Variants in PRRC2B observed in about 807,000 individuals in gnomAD.
The protein encoded by PRRC2B is protein PRRC2B.
Under a neutral mutation model 242.3 loss-of-function variants are expected in PRRC2B, and 68 were observed. The observed-to-expected ratio is 0.28, with a 90% CI of 0.23 to 0.34. The LOEUF (loss-of-function observed/expected upper bound fraction) is 0.34, where lower values mean the gene tolerates loss of function less well. Ranked by LOEUF, PRRC2B falls within the 10% of genes least tolerant of loss-of-function variation. The pLI is 1.00. For synonymous variants in PRRC2B, 1,228 were observed against 1,173.6 expected, an observed-to-expected ratio of 1.05 and a Z score of -0.95; for missense variants, 2,835 against 2,954.8, an observed-to-expected ratio of 0.96 and a Z score of 0.94.
intron 1 of PRRC2B, among the ~76,000 whole-genome samples, chr9:131,424,241 T>C (rs1305932908): frequency 1.3e-5 from 2 of 151,014 alleles, no homozygotes; most frequent in Non-Finnish European, 1.5e-5. Context: ...GGCGCCTGGG[T>C]AGTAAACCAT....
intron 28 of PRRC2B, 103 bp downstream of exon 28, chr9:131,488,199 G>T: frequency 6.9e-7 from 1 of 1,453,290 alleles, no homozygotes; most frequent in Non-Finnish European, 9.1e-7. Context: ...CTATCGTGCT[G>T]TTGGTTGGTA....
intron 9 of PRRC2B, among the ~76,000 whole-genome samples, chr9:131,454,827 G>T (rs1402171993): frequency 2.0e-5 from 3 of 151,978 alleles, no homozygotes; most frequent in Non-Finnish European, 4.4e-5. Flanking sequence ...GTAGAGACGG[G>T]GTTTCACCAT....
intron 10 of PRRC2B, among the ~76,000 whole-genome samples, chr9:131,458,117 C>A (rs776803629): frequency 6.6e-6 from 1 of 152,134 alleles, no homozygotes; most frequent in East Asian, 1.9e-4. Flanking sequence ...AACACCTCCT[C>A]CTTTTCCATG....
rs148112779 is a variant in PRRC2B at position 131,420,453 on chromosome 9, T to TTTTCTTTCTTTCTTTCTTTCTTTC, written c.-51-9621_-51-9598dup. 4.3e-3 allele frequency among the ~76,000 whole-genome samples: 265 copies of TTTTCTTTCTTTCTTTCTTTCTTTC among 61,012 alleles called. 17 individuals are homozygous for TTTTCTTTCTTTCTTTCTTTCTTTC. Among genetic ancestry groups the TTTTCTTTCTTTCTTTCTTTCTTTC allele is most frequent in the Middle Eastern group, 0.01 (1 of 98 alleles). 40.0% of individuals were successfully genotyped at this position (61,012 alleles called of 152,430 possible). Reference sequence around the variant, plus strand: ...TTTTCTTTTTTCTTTTTCTTTTTCTTTTTCTTTCTTTCTTTCTTTCTTTCT... The same window carrying TTTTCTTTCTTTCTTTCTTTCTTTC: ...TTTTCTTTTTTCTTTTTCTTTTTCTTTTTCTTTCTTTCTTTCTTTCTTTCTTTCTTTCTTTCTTTCTTTCTTTCT... On this transcript the variant is annotated intron_variant, in intron 1 of 31. Transcript: ENST00000683519.
intron 10 of PRRC2B, among the ~76,000 whole-genome samples, chr9:131,456,381 T>C (rs4740241): frequency 0.057 from 8,701 of 151,796 alleles, 333 homozygotes; most frequent in Admixed American, 0.11. Flanking sequence ...CCTGTAATCC[T>C]AGCACTTTGG....
chr9:131,458,952 A>G (rs1237536847), intron 10 of PRRC2B, among the ~76,000 whole-genome samples: 1 of 152,226 alleles, frequency 6.6e-6, no homozygotes, highest in Non-Finnish European at 1.5e-5. Context: ...AGTGTGACAT[A>G]TCGTGCCTGG....
intron 1 of PRRC2B, among the ~76,000 whole-genome samples, chr9:131,409,151 T>G (rs922192765): frequency 6.6e-6 from 1 of 151,848 alleles, no homozygotes; most frequent in African/African-American, 2.4e-5. Context: ...GCCTCCCAAG[T>G]AACTGAGATT....
At position 131,467,679 on chromosome 9, in the gene PRRC2B, T is replaced by C; in HGVS notation, c.1837T>C (p.Ser613Pro). The C allele has an allele frequency of 6.2e-7, 1 of 1,613,124 alleles. No individual in the cohort carries two copies. The change falls in exon 13 of 32, where the codon TCC (serine) becomes CCC (proline). Residue 613 changes from serine to proline, a missense_variant. Transcript: ENST00000683519. ...SSEEEAREAG[S>P]PAQEFKYQKS... is the part of the protein sequence containing the mutation. ...TGAGGAAGAGGCCAGAGAGGCTGGG[T>C]CCCCTGCACAGGAGTTCAAGTATCA...
chr9:131,481,601 G>T, intron 19 of PRRC2B, 125 bp from the exon 20 acceptor site: 1 of 740,102 alleles, frequency 1.4e-6, no homozygotes, highest in Non-Finnish European at 2.3e-6. Flanking sequence ...CTGGGGTGGC[G>T]GGTGCAGGGG....
At chr9:131,492,723 A>T (rs918468443) in intron 30 of PRRC2B, among the ~76,000 whole-genome samples, 5 of 152,234 alleles carry the variant, frequency 3.3e-5, no homozygotes, top group South Asian at 4.1e-4. Flanking sequence ...CATTCCTTCC[A>T]TGCTACAAAC....
chr9:131,419,875 C>T (rs536783672), intron 1 of PRRC2B, among the ~76,000 whole-genome samples: 42 of 150,288 alleles, frequency 2.8e-4, no homozygotes, highest in Admixed American at 2.3e-3. Context: ...TTGACCCTGG[C>T]GCGGTGGGGG....
intron 1 of PRRC2B, among the ~76,000 whole-genome samples, chr9:131,421,954 C>T (rs1254481204): frequency 6.6e-6 from 1 of 151,932 alleles, no homozygotes; most frequent in Non-Finnish European, 1.5e-5. Flanking sequence ...AGTCTGCAGC[C>T]TGGTGGCGTC....
In PRRC2B at chr9:131,484,749, C is replaced by T. The variant is rs1190385887; in HGVS notation, c.5524C>T (p.Leu1842Phe). 1.2e-6 allele frequency: 2 copies of T among 1,612,936 alleles called. No homozygotes were observed. Among genetic ancestry groups the T allele is most frequent in the Non-Finnish European group, 1.7e-6 (2 of 1,179,446 alleles). Residue 1842 changes from leucine to phenylalanine, a missense_variant, in exon 24 of 32, where the codon CTC becomes TTC. Leu to Phe is a conservative substitution (Grantham distance 22). Transcript: ENST00000683519. The part of the protein sequence containing the change: ...RDHHIQRAIG[L>F]SPMSFPTADL... ...CCATCACATCCAGAGGGCCATCGGT[C>T]TCTCCCCAATGTCCTTCCCCACCGC...
chr9:131,417,465 G>A (rs1247066154), intron 1 of PRRC2B, among the ~76,000 whole-genome samples: 2 of 152,068 alleles, frequency 1.3e-5, no homozygotes, highest in Non-Finnish European at 2.9e-5. Context: ...CCACATCTGA[G>A]TTCCCACCTT....
At chr9:131,456,892 C>T (rs1465829552) in intron 10 of PRRC2B, among the ~76,000 whole-genome samples, 1 of 152,122 alleles carries the variant, frequency 6.6e-6, no homozygotes, top group African/African-American at 2.4e-5. Flanking sequence ...CCTTTGCTTC[C>T]TTTGTATAAT....
At chr9:131,451,148 C>G (rs1053323309) in intron 9 of PRRC2B, among the ~76,000 whole-genome samples, 12 of 152,088 alleles carry the variant, frequency 7.9e-5, no homozygotes, top group African/African-American at 2.9e-4. Flanking sequence ...GCCTGTAATC[C>G]CACCACTTTG....
chr9:131,448,543 C>CCAAAAAAAAAAAAAAA (rs1838883733), intron 9 of PRRC2B, among the ~76,000 whole-genome samples: 1 of 39,874 alleles, frequency 2.5e-5, no homozygotes, highest in Admixed American at 2.7e-4. Flanking sequence ...GACACTGTCT[C>CCAAAAAAAAAAAAAAA]AAAAAAAAAA....
Position 131,473,538 on chromosome 9 carries a change from C to A in PRRC2B, c.2138C>A (p.Ser713Tyr). Residue 713 changes from serine (S) to tyrosine (Y), a missense_variant, in exon 15 of 32, where the codon TCC (serine) becomes TAC (tyrosine). Physicochemically the swap from Ser to Tyr is moderately radical, Grantham distance 144. Transcript: ENST00000683519. ...ATGAAGCCCATGATGCCCCAGGAGT[C>A]CCTCAATGGGACAGGCTGTCGCTCT... ...GLMKPMMPQE[S>Y]LNGTGCRSED... The A allele has an allele frequency of 6.2e-7, 1 of 1,607,056 alleles. No individual in the cohort carries two copies. Among genetic ancestry groups the A allele is most frequent in the East Asian group, 2.2e-5 (1 of 44,510 alleles).
At chr9:131,441,790 G>A (rs1050894243) in intron 5 of PRRC2B, among the ~76,000 whole-genome samples, 1 of 152,152 alleles carries the variant, frequency 6.6e-6, no homozygotes. Context: ...ACAGACCCAG[G>A]AGACCTGATT....
Sources: allele counts gnomAD v4.1 joint callset (sites outside exome capture counted in the v4.1 genomes callset), GRCh38; gene constraint gnomAD v4.1.1; transcripts MANE v1.5; gene names NCBI Gene and HGNC (gene_info 2026-07-23, HGNC 2026-07-21).